Variants in IMPG1 observed in about 807,000 individuals in gnomAD.
IMPG1 encodes the protein interphotoreceptor matrix proteoglycan 1, also known as interphotoreceptor matrix proteoglycan of 150 kDa.
In IMPG1, 85 loss-of-function variants were observed where a neutral mutation model predicts 92.0. The ratio of observed to expected loss-of-function variants is 0.92; its 90% CI spans 0.78 to 1.11. The LOEUF (loss-of-function observed/expected upper bound fraction) is 1.11. Ranked by LOEUF, IMPG1 falls within the 50% of genes least tolerant of loss-of-function variation. IMPG1 has a pLI of 0.00. For synonymous variants in IMPG1, 367 were observed against 334.1 expected (o/e 1.10, Z -1.08); for missense variants, 1,022 against 956.0 (o/e 1.07, Z -0.91).
At chr6:75,991,089 G>A (rs912673908) in intron 12 of IMPG1, among the ~76,000 whole-genome samples, 1 of 152,104 alleles carries the variant, frequency 6.6e-6, no homozygotes, top group Non-Finnish European at 1.5e-5. Flanking sequence ...TTTGCATGAA[G>A]GATGCTTCTC....
intron 12 of IMPG1, among the ~76,000 whole-genome samples, chr6:75,974,768 G>T (rs1782508028): frequency 6.6e-6 from 1 of 152,012 alleles, no homozygotes; most frequent in East Asian, 1.9e-4. Context: ...TGCCTGCCTT[G>T]GCCTCCTAAA....
In IMPG1 at chr6:75,991,649, G is replaced by A. The variant is rs558156580; in HGVS notation, c.1291+11269C>T. Reference sequence around the variant, plus strand: ...TTCTCTCTATTCTCTTTCCATTATTGAGTGCATATTTCCTGTCCTCTCTTC... The same window carrying A: ...TTCTCTCTATTCTCTTTCCATTATTAAGTGCATATTTCCTGTCCTCTCTTC... On this transcript the variant is annotated intron_variant, in intron 12 of 16. Coordinates refer to ENST00000369950, the MANE Select transcript of IMPG1 (RefSeq NM_001563.4). Among the ~76,000 whole-genome samples the A allele has an allele frequency of 3.2e-3, 486 of 152,196 alleles. 2 individuals carry two copies. Among genetic ancestry groups the A allele is most frequent in the African/African-American group, 0.011 (455 of 41,514 alleles).
intron 12 of IMPG1, among the ~76,000 whole-genome samples, chr6:75,967,206 A>C (rs1009735809): frequency 6.6e-6 from 1 of 152,130 alleles, no homozygotes; most frequent in Non-Finnish European, 1.5e-5. Flanking sequence ...AGAGGCCCAA[A>C]CAATATCAAG....
rs764171223 is a variant in IMPG1, at chr6:75,950,866, C to T, written c.1520G>A (p.Arg507Gln). 33 of 1,613,722 alleles carry T rather than the reference C, an allele frequency of 2.0e-5. 1 individual carries two copies. In the East Asian group the frequency reaches 3.6e-4, roughly 17 times the overall value. Residue 507 changes from arginine (R) to glutamine (Q), a missense_variant, in exon 13 of 17, where the codon CGA becomes CAA. Arg to Gln is a conservative substitution (Grantham distance 43, BLOSUM62 1). Transcript: ENST00000369950. ...SHPPASSDDSRSSAGGEDMVR... is the reference protein window; with the variant it reads ...SHPPASSDDSQSSAGGEDMVR... ...CATATCTTCGCCACCTGCACTTGAT[C>T]GGCTGTCATCTGAAGATGCAGGTGG...
intron 7 of IMPG1, among the ~76,000 whole-genome samples, chr6:76,015,331 G>T (rs1222481470): frequency 6.6e-6 from 1 of 152,182 alleles, no homozygotes; most frequent in Non-Finnish European, 1.5e-5. Context: ...GGTGGTTGGG[G>T]CCCTGCTAGG....
chr6:75,948,355 G>T (rs1405278002), intron 13 of IMPG1, among the ~76,000 whole-genome samples: 1 of 151,836 alleles, frequency 6.6e-6, no homozygotes, highest in Non-Finnish European at 1.5e-5. Context: ...CCTTGTCCTT[G>T]GCTCTGAAAG....
At chr6:76,007,302 A>ATT (rs35430948) in intron 9 of IMPG1, among the ~76,000 whole-genome samples, 178 bp downstream of exon 9, 2 of 148,042 alleles carry the variant, frequency 1.4e-5, no homozygotes, top group East Asian at 2.0e-4. Flanking sequence ...TGATAAGAGA[A>ATT]TTTTTTTTTT....
Position 76,005,442 on chromosome 6 carries a change from G to T in IMPG1, c.980C>A (p.Ser327Tyr). ...GACTTCCTCACTTTCAATTTTGTTG[G>T]AATCAAAAGACAGGAGGTCACTTGC... ...SPASDLLSFD[S>Y]NKIESEEVYH... The change falls in exon 10 of 17, where the codon TCC (serine) becomes TAC (tyrosine). Residue 327 changes from serine to tyrosine, a missense_variant. Transcript: ENST00000369950. The T allele has an allele frequency of 1.2e-6, 2 of 1,613,930 alleles. No individual in the cohort carries two copies. Among genetic ancestry groups the T allele is most frequent in the Non-Finnish European group, 8.5e-7 (1 of 1,179,924 alleles).
chr6:76,013,891 A>T (rs1003404510), intron 7 of IMPG1, among the ~76,000 whole-genome samples: 4 of 152,120 alleles, frequency 2.6e-5, no homozygotes, highest in Non-Finnish European at 4.4e-5. Flanking sequence ...TGCATTACAA[A>T]TTTTTTCCCC....
intron 14 of IMPG1, among the ~76,000 whole-genome samples, chr6:75,932,213 G>C (rs6923631): frequency 0.029 from 4,369 of 152,306 alleles, 200 homozygotes; most frequent in African/African-American, 0.1. Context: ...TCCCTTCGTG[G>C]AATGTGTGAG....
intron 9 of IMPG1, 148 bp from the exon 10 acceptor site, chr6:76,005,682 A>G (rs1783084199): frequency 1.4e-6 from 1 of 729,204 alleles, no homozygotes; most frequent in Admixed American, 2.7e-5. Flanking sequence ...AAACATTTCA[A>G]CATTTATCAG....
chr6:75,924,670 T>TA (rs1562335106), intron 15 of IMPG1, among the ~76,000 whole-genome samples: 1,264 of 4,394 alleles, frequency 0.29, 346 homozygotes, highest in East Asian at 0.66. Context: ...ATATAATAAA[T>TA]TATATATTAT....
At chr6:75,947,275 CA>C in intron 14 of IMPG1, 38 bp downstream of exon 14, 1 of 1,504,406 alleles carries the variant, frequency 6.6e-7, no homozygotes, top group Non-Finnish European at 9.2e-7. Flanking sequence ...AAAAAATGAA[CA>C]AAACATCTCT....
At chr6:75,964,773 G>C (rs1404406483) in intron 12 of IMPG1, among the ~76,000 whole-genome samples, 1 of 151,520 alleles carries the variant, frequency 6.6e-6, no homozygotes, top group Non-Finnish European at 1.5e-5. Context: ...CAAAACTATA[G>C]CATAATATCA....
At chr6:75,988,561 C>T (rs1261693709) in intron 12 of IMPG1, among the ~76,000 whole-genome samples, 1 of 152,148 alleles carries the variant, frequency 6.6e-6, no homozygotes, top group Non-Finnish European at 1.5e-5. Flanking sequence ...TGGGATACCA[C>T]TGAAAATATT....
intron 12 of IMPG1, among the ~76,000 whole-genome samples, chr6:75,978,480 C>T (rs1782574336): frequency 6.6e-6 from 1 of 152,118 alleles, no homozygotes. Flanking sequence ...GCATTGTTAG[C>T]CCATTTGCAG....
chr6:75,972,049 G>C (rs960166746), intron 12 of IMPG1, among the ~76,000 whole-genome samples: 1 of 152,224 alleles, frequency 6.6e-6, no homozygotes, highest in South Asian at 2.1e-4. Context: ...TTTTAATAAA[G>C]TTTTACTTTA....
intron 15 of IMPG1, among the ~76,000 whole-genome samples, chr6:75,924,677 T>A (rs1340422424): frequency 9.1e-4 from 3 of 3,284 alleles, no homozygotes; most frequent in South Asian, 0.028. Context: ...AAATTATATA[T>A]TATATATTAT....
At chr6:75,930,773 CAG>C (rs1355769674) in intron 15 of IMPG1, among the ~76,000 whole-genome samples, 178 bp downstream of exon 15, 5 of 152,206 alleles carry the variant, frequency 3.3e-5, no homozygotes, top group African/African-American at 7.2e-5. Flanking sequence ...GAATCAGAAA[CAG>C]GGCATAGTAG....
Sources: allele counts gnomAD v4.1 joint callset (sites outside exome capture counted in the v4.1 genomes callset), GRCh38; gene constraint gnomAD v4.1.1; transcripts MANE v1.5; gene names NCBI Gene and HGNC (gene_info 2026-07-23, HGNC 2026-07-21).